The following NRG2 variants were observed in gnomAD, a reference collection of about 807,000 sequenced individuals.
The protein encoded by NRG2 is pro-neuregulin-2, membrane-bound isoform.
A neutral mutation model predicts 73.9 loss-of-function variants in NRG2; 27 were observed. The ratio of observed to expected loss-of-function variants is 0.37; its 90% confidence interval spans 0.27 to 0.50. The LOEUF is 0.50. Ranked by LOEUF, NRG2 falls within the 20% of genes least tolerant of loss-of-function variation. The probability of loss-of-function intolerance (pLI) is 0.96; values close to 1 mark genes in which losing one functional copy is unlikely to be tolerated. For synonymous variants in NRG2, 532 were observed against 541.0 expected, an observed-to-expected ratio of 0.98 and a Z score of 0.23; for missense variants, 1,126 against 1,210.1, an observed-to-expected ratio of 0.93 and a Z score of 1.03.
In NRG2 at chr5:140,043,198, G is replaced by A. The variant is rs1223400038; in HGVS notation, c.-129C>T. The A allele has an allele frequency of 1.2e-5, 14 of 1,127,098 alleles. No individual in the cohort carries two copies. Among genetic ancestry groups the A allele is most frequent in the African/African-American group, 9.8e-5 (6 of 61,024 alleles). 69.8% of individuals were successfully genotyped at this position (1,127,098 alleles called of 1,614,324 possible). A position where few individuals can be genotyped will look rare whatever the true frequency, so the allele number is the denominator to read the frequency against. ...TAGCCCTCCACCGGCAGCCCGGGGA[G>A]GTGGCCCAGCTAGGGCAGGGGGCAG... On this transcript the variant is annotated 5_prime_UTR_variant, in exon 1 of 10. Coordinates refer to ENST00000361474, the MANE Select transcript of NRG2 (RefSeq NM_004883.3). This position sits in a 1 kb window ranked among gnomAD's most constrained non-coding sequence, Gnocchi z 6.7.
Position 140,042,668 on chromosome 5 carries a change from C to G in NRG2, c.402G>C (p.Lys134Asn). The stretch of plus-strand genomic sequence containing the variant: ...CGCCGGCTGGGACCAGCCCCTGTAC[C>G]TTGCCCTCCACCACCACGGGTGCCT... ...AYKAPVVVEGKVQGLVPAGGS... is the reference protein window; with the variant it reads ...AYKAPVVVEGNVQGLVPAGGS... The change falls in exon 1 of 10, where the codon AAG (lysine) becomes AAC (asparagine). Residue 134 changes from lysine (K) to asparagine (N), a missense_variant. Lys to Asn is a moderately conservative substitution (Grantham distance 94, BLOSUM62 0). Coordinates refer to ENST00000361474, the MANE Select transcript of NRG2 (RefSeq NM_004883.3). 1.9e-6 allele frequency: 3 copies of G among 1,594,512 alleles called. No homozygotes were observed. Among genetic ancestry groups the G allele is most frequent in the Non-Finnish European group, 2.6e-6 (3 of 1,171,314 alleles).
At chr5:139,995,855 T>C (rs562217184) in intron 1 of NRG2, among the ~76,000 whole-genome samples, 1 of 152,056 alleles carries the variant, frequency 6.6e-6, no homozygotes, top group South Asian at 2.1e-4. Context: ...TTCTACAAAA[T>C]AAAAATAAAA....
At chr5:139,959,125 T>C (rs1404292041) in intron 1 of NRG2, among the ~76,000 whole-genome samples, 1 of 152,038 alleles carries the variant, frequency 6.6e-6, no homozygotes, top group Non-Finnish European at 1.5e-5. Flanking sequence ...ACTGAGAAGG[T>C]GAGCATTGTA....
At position 139,894,605 on chromosome 5, in the gene NRG2, C is replaced by A. The variant is rs1391269716; in HGVS notation, c.701-7094G>T. Among the ~76,000 whole-genome samples the A allele has an allele frequency of 6.6e-6, 1 of 152,166 alleles. No homozygotes were observed. The highest frequency in any genetic ancestry group is 2.4e-5 in the African/African-American group (1 of 41,446). ...CAAAGGGAGTGTATGCCCAGCTGGG[C>A]TGCTTAGCTTTCCCTGAGCCACATT... is the stretch of plus-strand genomic sequence containing the variant. On this transcript the variant is annotated intron_variant, in intron 1 of 9. Transcript: ENST00000361474. The surrounding 1 kb of genome is among the most constrained non-coding windows in gnomAD (Gnocchi z 5.0).
intron 1 of NRG2, among the ~76,000 whole-genome samples, chr5:139,926,162 G>A (rs139483933): frequency 1.3e-5 from 2 of 152,216 alleles, no homozygotes; most frequent in South Asian, 2.1e-4. Flanking sequence ...ATGAACACGC[G>A]AAGATTTGCT....
intron 1 of NRG2, among the ~76,000 whole-genome samples, chr5:139,996,803 T>C (rs1401630896): frequency 6.6e-6 from 1 of 152,108 alleles, no homozygotes; most frequent in Non-Finnish European, 1.5e-5. Context: ...CACATGTAAT[T>C]AGCTCTCAAA....
At chr5:139,850,003 G>C (rs900364988) in intron 9 of NRG2, among the ~76,000 whole-genome samples, 2 of 152,190 alleles carry the variant, frequency 1.3e-5, no homozygotes, top group African/African-American at 4.8e-5. Context: ...AGCCCACTCT[G>C]TTCCAGGCAC....
At chr5:139,940,259 A>G (rs1295882091) in intron 1 of NRG2, among the ~76,000 whole-genome samples, 2 of 152,238 alleles carry the variant, frequency 1.3e-5, no homozygotes, top group Non-Finnish European at 2.9e-5. Context: ...ACTACTGAGC[A>G]ATAAAGAGGA....
At chr5:140,027,617 GTTA>G (rs773504839) in intron 1 of NRG2, among the ~76,000 whole-genome samples, 4 of 152,152 alleles carry the variant, frequency 2.6e-5, no homozygotes, top group East Asian at 1.9e-4. Flanking sequence ...TAATTGTTCT[GTTA>G]TTATTATGTG....
chr5:139,859,896 T>A (rs1762040794), intron 5 of NRG2: 2 of 1,612,198 alleles, frequency 1.2e-6, no homozygotes, highest in African/African-American at 2.7e-5. Context: ...TACCCTTTAA[T>A]TCAAATCCAA....
chr5:139,848,053 C>G lies in NRG2; in HGVS notation c.2417G>C (p.Arg806Pro). Residue 806 changes from arginine (R) to proline (P), a missense_variant, in exon 10 of 10, where the codon CGC becomes CCC. Around this residue, in one of 3 missense-constraint regions of NRG2, gnomAD observed 402 missense variants for 357.8 expected, o/e 1.12. Transcript: ENST00000361474. ...LGLRGAHDAL[R>P]SDSPPLCPAA... ...CGGGCACAGTGGCGGCGAGTCCGAG[C>G]GCAGCGCGTCGTGCGCCCCACGCAG... 3 of 1,503,212 alleles carry G rather than the reference C, an allele frequency of 2.0e-6. No homozygotes were observed. The highest frequency in any genetic ancestry group is 2.6e-6 in the Non-Finnish European group (3 of 1,132,568). The allele number at this position is 1,503,212 out of a possible 1,614,324, so 93.1% of individuals were successfully genotyped here.
At position 139,887,720 on chromosome 5, in the gene NRG2, T is replaced by A. The variant is rs1250662349; in HGVS notation, c.701-209A>T. Among the ~76,000 whole-genome samples, 1 of 152,214 alleles carries A rather than the reference T, an allele frequency of 6.6e-6. No individual in the cohort carries two copies. Among genetic ancestry groups the A allele is most frequent in the Non-Finnish European group, 1.5e-5 (1 of 68,046 alleles). Reference sequence around the variant, plus strand: ...ATGACATCAATGTAGTTATAACTTATGGAGAGTTTCCTTCATGCCTTGAAT... The same window carrying A: ...ATGACATCAATGTAGTTATAACTTAAGGAGAGTTTCCTTCATGCCTTGAAT... On this transcript the variant is annotated intron_variant, in intron 1 of 9. Transcript: ENST00000361474. This position sits in a 1 kb window ranked among gnomAD's most constrained non-coding sequence, Gnocchi z 4.5.
intron 1 of NRG2, among the ~76,000 whole-genome samples, chr5:139,976,730 G>A (rs1212082054): frequency 6.6e-6 from 1 of 152,226 alleles, no homozygotes; most frequent in Non-Finnish European, 1.5e-5. Context: ...TTTCCTGACA[G>A]GTTCTTATCT....
chr5:140,023,801 C>T (rs868783092), intron 1 of NRG2, among the ~76,000 whole-genome samples: 3 of 152,096 alleles, frequency 2.0e-5, no homozygotes, highest in Non-Finnish European at 4.4e-5. Context: ...TTGCTATAGC[C>T]AAAAAGCCTG....
At chr5:140,024,260 T>A (rs1319281195) in intron 1 of NRG2, among the ~76,000 whole-genome samples, 1 of 151,932 alleles carries the variant, frequency 6.6e-6, no homozygotes, top group Non-Finnish European at 1.5e-5. Flanking sequence ...AAAACAATTT[T>A]TTTTTTTTTT....
At chr5:140,040,612 T>C (rs774219305) in intron 1 of NRG2, among the ~76,000 whole-genome samples, 1 of 152,190 alleles carries the variant, frequency 6.6e-6, no homozygotes, top group Non-Finnish European at 1.5e-5. Context: ...TATGTGGAGA[T>C]GTACACTGTG....
chr5:139,890,465 CTTTCTTTCTT>C (rs1228852502), intron 1 of NRG2, among the ~76,000 whole-genome samples: 12 of 117,502 alleles, frequency 1.0e-4, no homozygotes, highest in African/African-American at 3.3e-4. Context: ...TTCTTTCTTT[CTTTCTTTCTT>C]TTTTTTTTTT....
At chr5:139,963,589 A>G (rs436404) in intron 1 of NRG2, among the ~76,000 whole-genome samples, 33,937 of 152,180 alleles carry the variant, frequency 0.22, 4,941 homozygotes, top group African/African-American at 0.42. Flanking sequence ...GCCAGCCACC[A>G]TGCCAAACAC....
intron 1 of NRG2, among the ~76,000 whole-genome samples, chr5:139,932,004 G>A (rs1020458977): frequency 6.6e-6 from 1 of 152,120 alleles, no homozygotes; most frequent in Non-Finnish European, 1.5e-5. Context: ...AGATTGGTAC[G>A]GCCATTATGG....
Sources: allele counts gnomAD v4.1 joint callset (sites outside exome capture counted in the v4.1 genomes callset), GRCh38; gene constraint gnomAD v4.1.1; regional missense constraint gnomAD v4.1.1; non-coding constraint Gnocchi (gnomAD v3.1); transcripts MANE v1.5; gene names NCBI Gene and HGNC (gene_info 2026-07-23, HGNC 2026-07-21).